The following MCHR2 variants were observed in gnomAD, a reference collection of about 807,000 sequenced individuals.
MCHR2 encodes melanin-concentrating hormone receptor 2.
Under a neutral mutation model 24.8 loss-of-function variants are expected in MCHR2, and 15 were observed. The ratio of observed to expected loss-of-function variants is 0.60; its 90% confidence interval spans 0.40 to 0.93. The LOEUF (loss-of-function observed/expected upper bound fraction) is 0.93, where lower values mean the gene tolerates loss of function less well. Ranked by LOEUF, MCHR2 falls within the 40% of genes least tolerant of loss-of-function variation. The pLI is 0.00. For missense variants in MCHR2, 386 were observed against 408.7 expected (o/e 0.94, Z 0.48); for synonymous variants, 151 against 147.6 (o/e 1.02, Z -0.17).
intron 1 of MCHR2, among the ~76,000 whole-genome samples, chr6:99,974,071 A>G (rs543492618): frequency 2.1e-4 from 32 of 152,010 alleles, no homozygotes; most frequent in Non-Finnish European, 3.8e-4. Context: ...TATCTTTGTG[A>G]CGTTCTCTGT....
At chr6:99,975,118 A>G (rs994426075) in intron 1 of MCHR2, among the ~76,000 whole-genome samples, 4 of 152,182 alleles carry the variant, frequency 2.6e-5, no homozygotes, top group African/African-American at 9.7e-5. Context: ...AGGGACATTT[A>G]AGTCTGCAGA....
chr6:99,937,660 T>C (rs1041843890), intron 4 of MCHR2, among the ~76,000 whole-genome samples: 15 of 151,928 alleles, frequency 9.9e-5, no homozygotes, highest in Non-Finnish European at 2.2e-4. Context: ...TATTGGTCTG[T>C]AGTTTTGTTT....
At chr6:99,943,855 T>C (rs1582382732) in intron 3 of MCHR2, among the ~76,000 whole-genome samples, 1 of 152,314 alleles carries the variant, frequency 6.6e-6, no homozygotes, top group African/African-American at 2.4e-5. Flanking sequence ...ACTTTGTCTC[T>C]GAACAGGGAT....
Position 99,945,452 on chromosome 6 carries a change from T to C in MCHR2, c.393-2309A>G, listed in dbSNP as rs1329685830. Reference sequence around the variant, plus strand: ...TATTGTTTTTGTATGGCTATGGAGGTAGAAGCCCACTACTAAATATTCTAC... The same window carrying C: ...TATTGTTTTTGTATGGCTATGGAGGCAGAAGCCCACTACTAAATATTCTAC... On this transcript the variant is annotated intron_variant, in intron 3 of 5. Transcript: ENST00000281806. Among the ~76,000 whole-genome samples, 3 of 152,274 alleles carry C rather than the reference T, an allele frequency of 2.0e-5. No individual in the cohort carries two copies. In the East Asian group the frequency reaches 5.8e-4, roughly 29 times the overall value.
chr6:99,979,671 TA>T (rs536636550), intron 1 of MCHR2, among the ~76,000 whole-genome samples: 278 of 152,356 alleles, frequency 1.8e-3, no homozygotes, highest in Middle Eastern at 0.014. Flanking sequence ...TAAGATTACA[TA>T]TGTGATTTGT....
At chr6:99,931,066 C>A (rs547858654) in intron 5 of MCHR2, among the ~76,000 whole-genome samples, 2 of 152,322 alleles carry the variant, frequency 1.3e-5, no homozygotes, top group East Asian at 3.9e-4. Context: ...ACAGGACCCT[C>A]AGCTGCAGGT....
rs1774173130 is a variant in MCHR2 at position 99,919,126 on chromosome 6, C to G, written c.*1814G>C. 6.6e-6 allele frequency among the ~76,000 whole-genome samples: 1 copy of G among 152,148 alleles called. No individual in the cohort carries two copies. The highest frequency in any genetic ancestry group is 2.4e-5 in the African/African-American group (1 of 41,430). ...AAGACCCCTGAAACTGTGGCCATGA[C>G]ACAGCTTCTTATTGACGTTTTATAG... On this transcript the variant is annotated 3_prime_UTR_variant, in exon 6 of 6. Coordinates refer to ENST00000281806, the MANE Select transcript of MCHR2 (RefSeq NM_001040179.2).
chr6:99,927,549 C>T (rs950443335), intron 5 of MCHR2, among the ~76,000 whole-genome samples: 9 of 152,086 alleles, frequency 5.9e-5, no homozygotes, highest in East Asian at 5.8e-4. Context: ...AGAGGTCCTT[C>T]GCGTCCCTTG....
intron 4 of MCHR2, among the ~76,000 whole-genome samples, chr6:99,941,591 A>G (rs1451034779): frequency 6.6e-6 from 1 of 152,090 alleles, no homozygotes; most frequent in Non-Finnish European, 1.5e-5. Flanking sequence ...GAATGGGAAT[A>G]GTGTACTTAT....
rs1774204884 is a variant in MCHR2, at chr6:99,920,654, A to G, written c.*286T>C. The G allele has an allele frequency of 6.3e-6, 2 of 314,970 alleles. No homozygotes were observed. Among genetic ancestry groups the G allele is most frequent in the South Asian group, 9.5e-5 (2 of 21,064 alleles). The allele number at this position is 314,970 out of a possible 1,614,324, so 19.5% of individuals were successfully genotyped here. A position where few individuals can be genotyped will look rare whatever the true frequency, so the allele number is the denominator to read the frequency against. On this transcript the variant is annotated 3_prime_UTR_variant, in exon 6 of 6. Transcript: ENST00000281806. ...TCAATGGTCATGGATGGCCATTTTC[A>G]TTAGTGACTAGTTTATAATATGCTG...
At chr6:99,984,063 C>T (rs866671958) in intron 1 of MCHR2, among the ~76,000 whole-genome samples, 4 of 151,984 alleles carry the variant, frequency 2.6e-5, no homozygotes, top group East Asian at 1.9e-4. Context: ...ATGGCTTAAA[C>T]GTAAAGGGTA....
At chr6:99,929,283 G>A (rs1774447157) in intron 5 of MCHR2, among the ~76,000 whole-genome samples, 3 of 152,110 alleles carry the variant, frequency 2.0e-5, no homozygotes, top group Non-Finnish European at 4.4e-5. Context: ...TGGAATAGGT[G>A]TGGTGTGGTG....
rs2114505460 is a variant in MCHR2 at position 99,934,537 on chromosome 6, A to G, written c.588-20T>C. 7.0e-7 allele frequency: 1 copy of G among 1,436,710 alleles called. No individual in the cohort carries two copies. The highest frequency in any genetic ancestry group is 2.6e-5 in the East Asian group (1 of 39,056). The allele number at this position is 1,436,710 out of a possible 1,614,324, so 89.0% of individuals were successfully genotyped here. A position where few individuals can be genotyped will look rare whatever the true frequency, so the allele number is the denominator to read the frequency against. On this transcript the variant is annotated intron_variant, in intron 4 of 5. Coordinates refer to ENST00000281806, the MANE Select transcript of MCHR2 (RefSeq NM_001040179.2). Reference sequence around the variant, plus strand: ...GTATACCTGTAAAATGAGAGAGAGAAGAGAGAGAGAGAAAGAACAACACCA... The same window carrying G: ...GTATACCTGTAAAATGAGAGAGAGAGGAGAGAGAGAGAAAGAACAACACCA...
intron 1 of MCHR2, among the ~76,000 whole-genome samples, chr6:99,993,629 G>A (rs1225062636): frequency 6.6e-6 from 1 of 152,086 alleles, no homozygotes; most frequent in Non-Finnish European, 1.5e-5. Context: ...GGTCGGGGCC[G>A]CTGCTTCCCG....
chr6:99,964,231 T>C (rs1043237135), intron 1 of MCHR2, among the ~76,000 whole-genome samples: 5 of 152,114 alleles, frequency 3.3e-5, no homozygotes, highest in African/African-American at 9.7e-5. Context: ...TAGATACATA[T>C]TGCTGTATGA....
Position 99,986,901 on chromosome 6 carries a change from T to C in MCHR2, c.-28+7035A>G, listed in dbSNP as rs183885409. On this transcript the variant is annotated intron_variant, in intron 1 of 5. Coordinates refer to ENST00000281806, the MANE Select transcript of MCHR2 (RefSeq NM_001040179.2). ...TATATATATCCATAAGTATAATATA[T>C]ATACATGGACCCTTAAGTATATAAA... 1.3e-4 allele frequency among the ~76,000 whole-genome samples: 19 copies of C among 150,768 alleles called. No individual in the cohort carries two copies. In the East Asian group the frequency reaches 3.5e-3, roughly 28 times the overall value.
chr6:99,973,020 G>T (rs1470843943), intron 1 of MCHR2, among the ~76,000 whole-genome samples: 1 of 151,916 alleles, frequency 6.6e-6, no homozygotes. Context: ...GTGTGGTGCT[G>T]AAAAAAAATG....
At chr6:99,983,621 T>G (rs1225264265) in intron 1 of MCHR2, among the ~76,000 whole-genome samples, 1 of 152,212 alleles carries the variant, frequency 6.6e-6, no homozygotes, top group East Asian at 1.9e-4. Context: ...AAGTAATACT[T>G]CTTTGTCCTT....
chr6:99,987,063 A>G lies in MCHR2; in HGVS notation c.-28+6873T>C, dbSNP rs557428778. On this transcript the variant is annotated intron_variant, in intron 1 of 5. Transcript: ENST00000281806. ...GTACATTTTAATGTTCTTATACTCTATTGTATTGTGTTTGTTGTGTTGTGT... is the reference window on the plus strand; with the variant it reads ...GTACATTTTAATGTTCTTATACTCTGTTGTATTGTGTTTGTTGTGTTGTGT... Among the ~76,000 whole-genome samples, 3 of 151,368 alleles carry G rather than the reference A, an allele frequency of 2.0e-5. No individual in the cohort carries two copies. The South Asian group carries it at 6.3e-4, about 32-fold the overall frequency.
Sources: gnomAD v4.1 joint callset for allele counts (sites outside exome capture counted in the v4.1 genomes callset) on GRCh38, gnomAD v4.1.1 for gene constraint, MANE v1.5 for transcripts, NCBI Gene and HGNC (gene_info 2026-07-23, HGNC 2026-07-21) for gene names.